ZNRF3: variants seen among roughly 807,000 people sequenced by gnomAD.
ZNRF3 encodes E3 ubiquitin-protein ligase ZNRF3.
Under a neutral mutation model 72.5 loss-of-function variants are expected in ZNRF3, and 23 were observed. The ratio of observed to expected loss-of-function variants is 0.32; its 90% CI spans 0.23 to 0.45. The LOEUF (loss-of-function observed/expected upper bound fraction) is 0.45, where lower values mean the gene tolerates loss of function less well. Ranked by LOEUF, ZNRF3 falls within the 20% of genes least tolerant of loss-of-function variation. The probability of loss-of-function intolerance (pLI) is 1.00; values close to 1 mark genes in which losing one functional copy is unlikely to be tolerated. For missense variants in ZNRF3, 1,169 were observed against 1,272.1 expected (o/e 0.92, Z 1.23); for synonymous variants, 610 against 545.3 (o/e 1.12, Z -1.65).
chr22:28,906,548 A>G (rs944745589), intron 1 of ZNRF3, among the ~76,000 whole-genome samples: 5 of 152,210 alleles, frequency 3.3e-5, no homozygotes, highest in Admixed American at 1.3e-4. Flanking sequence ...ATAACATGGG[A>G]CAGATAGCTT....
intron 8 of ZNRF3, among the ~76,000 whole-genome samples, chr22:29,052,567 C>G (rs1406405676): frequency 6.6e-6 from 1 of 152,100 alleles, no homozygotes; most frequent in Non-Finnish European, 1.5e-5. Context: ...GTGGCGTGTG[C>G]CTGTAGTTCT....
intron 8 of ZNRF3, 50 bp downstream of exon 8, chr22:29,050,998 C>T (rs971184865): frequency 4.0e-6 from 6 of 1,487,556 alleles, no homozygotes; most frequent in South Asian, 2.7e-5. Context: ...CCATCAGGGT[C>T]GTCTTGTCTT....
At chr22:28,987,453 A>T (rs1399373894) in intron 2 of ZNRF3, among the ~76,000 whole-genome samples, 1 of 152,226 alleles carries the variant, frequency 6.6e-6, no homozygotes, top group Non-Finnish European at 1.5e-5. Context: ...GCCTTGGGCA[A>T]GTTGCTTCCC....
At chr22:28,918,192 G>T (rs1446261312) in intron 1 of ZNRF3, among the ~76,000 whole-genome samples, 1 of 152,200 alleles carries the variant, frequency 6.6e-6, no homozygotes, top group East Asian at 1.9e-4. Context: ...CCCCTGCCCT[G>T]CCAGCCCAGC....
intron 2 of ZNRF3, among the ~76,000 whole-genome samples, chr22:29,016,419 T>C (rs2036439206): frequency 8.2e-6 from 1 of 121,426 alleles, no homozygotes. Context: ...TAGAACCCAC[T>C]TCCTTTGTTC....
intron 2 of ZNRF3, among the ~76,000 whole-genome samples, chr22:29,013,510 T>A (rs2036380478): frequency 6.6e-6 from 1 of 152,182 alleles, no homozygotes; most frequent in South Asian, 2.1e-4. Context: ...TTGATTTTAT[T>A]CCTTGGCTCC....
chr22:28,936,409 G>A (rs1209679077), intron 1 of ZNRF3, among the ~76,000 whole-genome samples: 2 of 152,106 alleles, frequency 1.3e-5, no homozygotes, highest in Non-Finnish European at 2.9e-5. Flanking sequence ...CCTTGACAAG[G>A]TGTGTCCCTT....
chr22:29,013,879 A>T (rs1222572788), intron 2 of ZNRF3, among the ~76,000 whole-genome samples: 1 of 152,178 alleles, frequency 6.6e-6, no homozygotes, highest in Non-Finnish European at 1.5e-5. Context: ...GAGGCACTGG[A>T]TGGGGCAGGC....
chr22:29,044,786 A>G lies in ZNRF3; in HGVS notation c.640A>G (p.Thr214Ala). 1 of 1,613,240 alleles carries G rather than the reference A, an allele frequency of 6.2e-7. No individual in the cohort carries two copies. Residue 214 changes from threonine (T) to alanine (A), a missense_variant, in exon 5 of 9, where the codon ACT becomes GCT. Thr to Ala is a moderately conservative substitution (Grantham distance 58). Coordinates refer to ENST00000544604, the MANE Select transcript of ZNRF3 (RefSeq NM_001206998.2). ...RIQHRPPRQP[T>A]EYFDMGIFLA... ...TGTCTGTGTTCCGTTCCAGCAACCC[A>G]CTGAATACTTTGACATGGGGATTTT... is the stretch of plus-strand genomic sequence containing the variant.
intron 1 of ZNRF3, among the ~76,000 whole-genome samples, chr22:28,920,785 GCCTGTA>G (rs1194615031): frequency 6.6e-6 from 1 of 152,224 alleles, no homozygotes; most frequent in Non-Finnish European, 1.5e-5. Context: ...TTGACGGGTA[GCCTGTA>G]CCCCTTGGAA....
chr22:28,990,617 AGT>A (rs2035935785), intron 2 of ZNRF3, among the ~76,000 whole-genome samples: 1 of 152,120 alleles, frequency 6.6e-6, no homozygotes, highest in African/African-American at 2.4e-5. Context: ...TGGAGGTTGG[AGT>A]GTGCTGTGAT....
intron 1 of ZNRF3, among the ~76,000 whole-genome samples, chr22:28,928,123 T>TA (rs1296976550): frequency 6.6e-6 from 1 of 152,246 alleles, no homozygotes; most frequent in Non-Finnish European, 1.5e-5. Context: ...TCTCCCAACC[T>TA]TCTCTTTTGG....
intron 1 of ZNRF3, among the ~76,000 whole-genome samples, chr22:28,971,476 C>T (rs901875747): frequency 1.3e-5 from 2 of 152,178 alleles, no homozygotes; most frequent in Non-Finnish European, 2.9e-5. Flanking sequence ...CCTTTTAAGA[C>T]AGCTAGCATG....
In ZNRF3 at chr22:29,027,783, TCA is replaced by T. The variant is rs33954298; in HGVS notation, c.427-14709_427-14708del. Among the ~76,000 whole-genome samples, 437 of 152,318 alleles carry T rather than the reference TCA, an allele frequency of 2.9e-3. 1 individual carries two copies. The highest frequency in any genetic ancestry group is 9.1e-3 in the African/African-American group (379 of 41,568). ...ATAAAACAGAAAATTCATCACATGC[TCA>T]CAGTCACAGAGCTGGGAAGGTGAGC... is the stretch of plus-strand genomic sequence containing the variant. On this transcript the variant is annotated intron_variant, in intron 2 of 8. Coordinates refer to ENST00000544604, the MANE Select transcript of ZNRF3 (RefSeq NM_001206998.2).
chr22:29,019,951 T>C (rs2036500783), intron 2 of ZNRF3, among the ~76,000 whole-genome samples: 1 of 151,980 alleles, frequency 6.6e-6, no homozygotes, highest in Non-Finnish European at 1.5e-5. Flanking sequence ...TTGATTATCC[T>C]TATCTTGATG....
At chr22:28,998,296 C>CA (rs568671775) in intron 2 of ZNRF3, among the ~76,000 whole-genome samples, 2,779 of 142,258 alleles carry the variant, frequency 0.02, 60 homozygotes, top group South Asian at 0.061. Flanking sequence ...GAGACTCCGT[C>CA]AAAAAAAAAA....
intron 2 of ZNRF3, among the ~76,000 whole-genome samples, chr22:29,000,440 T>C (rs1333916009): frequency 2.6e-5 from 4 of 152,248 alleles, no homozygotes; most frequent in African/African-American, 9.6e-5. Flanking sequence ...ATGTTTTAGC[T>C]TTAGAAGGTT....
rs2037117296 is a variant in ZNRF3 at position 29,048,502 on chromosome 22, C to T, written c.1015+11C>T. The T allele has an allele frequency of 1.2e-6, 2 of 1,613,452 alleles. No individual in the cohort carries two copies. The highest frequency in any genetic ancestry group is 1.7e-6 in the Non-Finnish European group (2 of 1,179,388). Reference sequence around the variant, plus strand: ...GGCACAACATCATAGGTAACTGTCACCCGCCTTAGCCATTGCTGAAGAGTC... The same window carrying T: ...GGCACAACATCATAGGTAACTGTCATCCGCCTTAGCCATTGCTGAAGAGTC... On this transcript the variant is annotated intron_variant, in intron 7 of 8. Transcript: ENST00000544604. The surrounding 1 kb of genome is among the most constrained non-coding windows in gnomAD (Gnocchi z 4.9).
intron 1 of ZNRF3, among the ~76,000 whole-genome samples, chr22:28,884,877 A>T (rs2033748053): frequency 6.6e-6 from 1 of 152,162 alleles, no homozygotes; most frequent in Non-Finnish European, 1.5e-5. Flanking sequence ...TACTCTTTGG[A>T]GGAGGGACTC....
Sources: allele counts gnomAD v4.1 joint callset (sites outside exome capture counted in the v4.1 genomes callset), GRCh38; gene constraint gnomAD v4.1.1; non-coding constraint Gnocchi (gnomAD v3.1); transcripts MANE v1.5; gene names NCBI Gene and HGNC (gene_info 2026-07-23, HGNC 2026-07-21).